WDR62: variants seen among roughly 807,000 people sequenced by gnomAD.
The protein encoded by WDR62 is WD repeat-containing protein 62.
In WDR62, 112 loss-of-function variants were observed where a neutral mutation model predicts 160.6. The ratio of observed to expected loss-of-function variants is 0.70; its 90% CI spans 0.60 to 0.82. The LOEUF (loss-of-function observed/expected upper bound fraction) is 0.82, where lower values mean the gene tolerates loss of function less well. WDR62 is among the 40% of genes least tolerant of loss of function. The pLI is 0.00. For synonymous variants in WDR62, 792 were observed against 815.1 expected (o/e 0.97, Z 0.48); for missense variants, 1,819 against 1,983.8 (o/e 0.92, Z 1.58).
chr19:36,074,556 C>T (rs775411868), intron 9 of WDR62, among the ~76,000 whole-genome samples: 4 of 152,020 alleles, frequency 2.6e-5, no homozygotes, highest in African/African-American at 4.8e-5. Context: ...GCAGGGGCTG[C>T]GGCAGGGGGG....
At chr19:36,097,137 C>T (rs1016863459) in intron 21 of WDR62, 58 bp downstream of exon 21, 2 of 1,554,718 alleles carry the variant, frequency 1.3e-6, no homozygotes, top group Middle Eastern at 1.8e-4. Context: ...CTCCCCAGCT[C>T]TGCCTTCTGG....
chr19:36,073,599 A>C (rs375737082), intron 9 of WDR62, 68 bp downstream of exon 9: 1 of 1,240,286 alleles, frequency 8.1e-7, no homozygotes, highest in Non-Finnish European at 1.1e-6. Context: ...TTGGGAACCC[A>C]TTCAGTAATT....
Position 36,103,825 on chromosome 19 carries a change from G to A in WDR62, c.3997G>A (p.Glu1333Lys). The A allele has an allele frequency of 6.2e-7, 1 of 1,606,994 alleles. No homozygotes were observed. The highest frequency in any genetic ancestry group is 8.5e-7 in the Non-Finnish European group (1 of 1,179,456). ...AVSFPAPSPV[E>K]ESALRLHGSA... The stretch of plus-strand genomic sequence containing the variant: ...GAGCTTCCCAGCCCCTAGCCCTGTG[G>A]AAGAGAGCGCCCTGAGGCTCCACGG... Residue 1333 changes from glutamate (E) to lysine (K), a missense_variant, in exon 30 of 32, where the codon GAA (glutamate) becomes AAA (lysine). Physicochemically the swap from Glu to Lys is moderately conservative, Grantham distance 56. Coordinates refer to ENST00000401500, the MANE Select transcript of WDR62 (RefSeq NM_001083961.2).
intron 3 of WDR62, 44 bp downstream of exon 3, chr19:36,060,074 T>A: frequency 6.3e-7 from 1 of 1,589,170 alleles, no homozygotes; most frequent in Non-Finnish European, 8.6e-7. Context: ...AACCAGGGGC[T>A]TGGCACGCCT....
intron 16 of WDR62, 47 bp from the exon 17 acceptor site, chr19:36,091,153 G>A (rs1402533144): frequency 1.3e-6 from 2 of 1,543,174 alleles, no homozygotes; most frequent in Middle Eastern, 4.6e-4. Flanking sequence ...CTCATCATAA[G>A]GAAGAAGCAG....
intron 24 of WDR62, 155 bp from the exon 25 acceptor site, chr19:36,101,509 T>C (rs1973334382): frequency 5.1e-6 from 4 of 788,566 alleles, no homozygotes. Context: ...TGCCACCTCC[T>C]TGATGTGGAA....
rs770306163 is a variant in WDR62, at chr19:36,102,753, T to C, written c.3237T>C (p.Ala1079=). The C allele has an allele frequency of 4.3e-6, 7 of 1,614,190 alleles. No homozygotes were observed. The highest frequency in any genetic ancestry group is 5.9e-6 in the Non-Finnish European group (7 of 1,180,014). Residue 1079 remains alanine (A), a synonymous_variant, in exon 27 of 32, where the codon GCT becomes GCC. Coordinates refer to ENST00000401500, the MANE Select transcript of WDR62 (RefSeq NM_001083961.2). ...TTCCCCTAGAGCTCTTCCCCGCAGCTCTGGGAGACGTGGAGGCCTCTGAAG... is the reference window on the plus strand; with the variant it reads ...TTCCCCTAGAGCTCTTCCCCGCAGCCCTGGGAGACGTGGAGGCCTCTGAAG... ...ESPCRELFPA[A]LGDVEASEAE... is the part of the protein sequence containing the mutation.
Position 36,102,973 on chromosome 19 carries a change from G to C in WDR62, c.3361G>C (p.Ala1121Pro). The C allele has an allele frequency of 2.5e-6, 4 of 1,614,126 alleles. No homozygotes were observed. The highest frequency in any genetic ancestry group is 3.4e-6 in the Non-Finnish European group (4 of 1,180,034). ...SRFTHTFPPR[A>P]TQCLVKSPEV... ...GTTCACCCATACCTTCCCTCCCCGG[G>C]CAACCCAGTGCCTTGTGAAGTCTCC... The change falls in exon 28 of 32, where the codon GCA becomes CCA. Residue 1121 changes from alanine (A) to proline (P), a missense_variant. By Grantham distance (27) the Ala-to-Pro change is conservative. This residue lies in a region of WDR62 where 770 missense variants were observed against 734.2 expected (regional missense o/e 1.05). Transcript: ENST00000401500.
chr19:36,103,563 G>A lies in WDR62; in HGVS notation c.3735G>A (p.Leu1245=), dbSNP rs751353765. The A allele has an allele frequency of 3.1e-6, 5 of 1,613,772 alleles. No homozygotes were observed. In the Admixed American group the frequency reaches 5.0e-5, roughly 16 times the overall value. The part of the protein sequence containing the change: ...GDSEGPIVAT[L]AQPLRRPSSV... The stretch of plus-strand genomic sequence containing the variant: ...GTGAGGGCCCTATCGTGGCCACACT[G>A]GCCCAGCCCCTCCGTAGGCCATCGT... Residue 1245 remains leucine (L), a synonymous_variant, in exon 30 of 32, where the codon CTG becomes CTA. Coordinates refer to ENST00000401500, the MANE Select transcript of WDR62 (RefSeq NM_001083961.2).
intron 1 of WDR62, among the ~76,000 whole-genome samples, chr19:36,057,526 T>C (rs1056931880): frequency 6.6e-6 from 1 of 151,588 alleles, no homozygotes; most frequent in Non-Finnish European, 1.5e-5. Context: ...TGTTCCTTTT[T>C]TTTTTTGAGA....
Position 36,104,527 on chromosome 19 carries a change from G to T in WDR62, c.4163G>T (p.Gly1388Val). ...CTTCTCTCTACCCCAGGTGCACTTGGTCTGTTACAGGGCAGCCCTGCCCGC... is the reference window on the plus strand; with the variant it reads ...CTTCTCTCTACCCCAGGTGCACTTGTTCTGTTACAGGGCAGCCCTGCCCGC... ...SLLEPTSGAL[G>V]LLQGSPARWS... Residue 1388 changes from glycine (G) to valine (V), a missense_variant, in exon 31 of 32, where the codon GGT becomes GTT. Physicochemically the swap from Gly to Val is moderately radical, Grantham distance 109 (BLOSUM62 -3). Around this residue, in one of 3 missense-constraint regions of WDR62, gnomAD observed 770 missense variants for 734.2 expected, o/e 1.05. Transcript: ENST00000401500. 6.2e-7 allele frequency: 1 copy of T among 1,613,786 alleles called. No individual in the cohort carries two copies. The highest frequency in any genetic ancestry group is 8.5e-7 in the Non-Finnish European group (1 of 1,179,948).
At chr19:36,097,541 A>G (rs1973048479) in intron 21 of WDR62, among the ~76,000 whole-genome samples, 1 of 151,394 alleles carries the variant, frequency 6.6e-6, no homozygotes, top group Non-Finnish European at 1.5e-5. Flanking sequence ...AGGCACCACT[A>G]CTACACTCCA....
At chr19:36,066,903 G>A (rs1484788303) in intron 5 of WDR62, among the ~76,000 whole-genome samples, 7 of 152,170 alleles carry the variant, frequency 4.6e-5, no homozygotes, top group Non-Finnish European at 7.4e-5. Context: ...TCCCTCGTGG[G>A]GCTTTTGAGG....
chr19:36,060,474 G>A, intron 3 of WDR62: 1 of 198,746 alleles, frequency 5.0e-6, no homozygotes, highest in South Asian at 9.6e-5. Context: ...CAAAGGCCCT[G>A]CAGTGGTTAA....
chr19:36,076,693 A>C (rs1434693077), intron 9 of WDR62, among the ~76,000 whole-genome samples: 1 of 137,596 alleles, frequency 7.3e-6, no homozygotes, highest in East Asian at 2.1e-4. Flanking sequence ...CTAGTTCTTA[A>C]GGACACAGGG....
chr19:36,094,013 C>T lies in WDR62; in HGVS notation c.2334-18C>T, dbSNP rs749935233. 2.5e-6 allele frequency: 4 copies of T among 1,613,474 alleles called. No homozygotes were observed. The South Asian group carries it at 4.4e-5, about 18-fold the overall frequency. ...TTTGCCTGTATTCTCTCCTTACCAT[C>T]CTCATTCCTGGCTTTAGGCAGGATA... On this transcript the variant is annotated intron_variant, in intron 19 of 31. Transcript: ENST00000401500.
rs1204023031 is a variant in WDR62 at position 36,090,440 on chromosome 19, C to T, written c.1959-5C>T. The T allele has an allele frequency of 1.2e-6, 2 of 1,614,054 alleles. No homozygotes were observed. The highest frequency in any genetic ancestry group is 1.7e-5 in the Admixed American group (1 of 60,020). ...GTTGGCCGCAACATGCCCCTACTTC[C>T]CCAGAGTCTACAACACTGTGAACGG... On this transcript the variant is annotated splice_region_variant and splice_polypyrimidine_tract_variant and intron_variant, in intron 15 of 31. Transcript: ENST00000401500.
chr19:36,058,638 T>A, intron 1 of WDR62, 142 bp from the exon 2 acceptor site: 1 of 708,092 alleles, frequency 1.4e-6, no homozygotes, highest in Non-Finnish European at 2.6e-6. Context: ...AGAGAACAAG[T>A]GTTAGCTGCT....
At chr19:36,078,021 G>T (rs1247378006) in intron 9 of WDR62, among the ~76,000 whole-genome samples, 1 of 152,098 alleles carries the variant, frequency 6.6e-6, no homozygotes, top group Non-Finnish European at 1.5e-5. Context: ...TTTTTATGGT[G>T]GAATAATATT....
Sources: allele counts gnomAD v4.1 joint callset (sites outside exome capture counted in the v4.1 genomes callset), GRCh38; gene constraint gnomAD v4.1.1; regional missense constraint gnomAD v4.1.1; transcripts MANE v1.5; gene names NCBI Gene and HGNC (gene_info 2026-07-23, HGNC 2026-07-21).